The following CUL5 variants were observed in gnomAD, a reference collection of about 807,000 sequenced individuals.
The protein encoded by CUL5 is cullin 5.
A neutral mutation model predicts 108.8 loss-of-function variants in CUL5; 26 were observed. The ratio of observed to expected loss-of-function variants is 0.24; its 90% CI spans 0.18 to 0.33. The LOEUF is 0.33. Among genes scored for constraint, CUL5 ranks in the 10% least tolerant of loss-of-function variants. The pLI, the probability that CUL5 is intolerant of heterozygous loss-of-function variation, is 1.00. For synonymous variants in CUL5, 334 were observed against 298.0 expected (o/e 1.12, Z -1.25); for missense variants, 524 against 909.2 (o/e 0.58, Z 5.45).
intron 10 of CUL5, among the ~76,000 whole-genome samples, chr11:108,077,178 C>T (rs1350706769): frequency 1.3e-5 from 2 of 152,122 alleles, no homozygotes; most frequent in Non-Finnish European, 2.9e-5. Flanking sequence ...AATGAGGAGT[C>T]GTCTTTCATG....
intron 18 of CUL5, among the ~76,000 whole-genome samples, chr11:108,099,323 A>G (rs568232662): frequency 6.6e-6 from 1 of 152,304 alleles, no homozygotes; most frequent in South Asian, 2.1e-4. Context: ...TTTTTAAAAT[A>G]TAAAACAAGA....
intron 2 of CUL5, among the ~76,000 whole-genome samples, chr11:108,038,118 CT>C (rs1418526651): frequency 6.6e-6 from 1 of 152,004 alleles, no homozygotes; most frequent in Non-Finnish European, 1.5e-5. Context: ...CAGCTGAGGC[CT>C]TTTAAAGCTT....
Position 108,009,215 on chromosome 11 carries a change from G to A in CUL5, c.-134G>A. ...ACGAGGTCAGCGCTGTCGGCGCGCT[G>A]CTCCAGCGCCCACCACACCCTGGTG... On this transcript the variant is annotated 5_prime_UTR_variant, in exon 1 of 19. Transcript: ENST00000393094. 2 of 885,812 alleles carry A rather than the reference G, an allele frequency of 2.3e-6. No homozygotes were observed. Among genetic ancestry groups the A allele is most frequent in the Non-Finnish European group, 3.6e-6 (2 of 560,640 alleles). The allele number at this position is 885,812 out of a possible 1,614,324, so 54.9% of individuals were successfully genotyped here. A position where few individuals can be genotyped will look rare whatever the true frequency, so the allele number is the denominator to read the frequency against.
At chr11:108,051,769 T>C (rs112398721) in intron 4 of CUL5, among the ~76,000 whole-genome samples, 8 of 152,346 alleles carry the variant, frequency 5.3e-5, no homozygotes, top group African/African-American at 1.9e-4. Flanking sequence ...CATATGTCTA[T>C]TTCAAACACA....
At chr11:108,072,899 C>G (rs1373200438) in intron 9 of CUL5, among the ~76,000 whole-genome samples, 1 of 151,964 alleles carries the variant, frequency 6.6e-6, no homozygotes, top group East Asian at 1.9e-4. Flanking sequence ...ATTGAAATTA[C>G]TATTTTCTCT....
At chr11:108,074,569 C>T (rs11212505) in intron 10 of CUL5, among the ~76,000 whole-genome samples, 89,071 of 151,556 alleles carry the variant, frequency 0.59, 27,842 homozygotes, top group East Asian at 0.9. Flanking sequence ...CTTTGGGAGG[C>T]CAGGGCGGGT....
chr11:108,096,184 G>GA (rs764876693), intron 16 of CUL5, among the ~76,000 whole-genome samples: 30 of 151,274 alleles, frequency 2.0e-4, no homozygotes, highest in Non-Finnish European at 3.0e-4. Flanking sequence ...CCAAGGCAGA[G>GA]AAAAGTGCTT....
rs184244610 is a variant in CUL5 at position 108,104,480 on chromosome 11, T to A, written c.*96T>A. 267 of 734,964 alleles carry A rather than the reference T, an allele frequency of 3.6e-4. No individual in the cohort carries two copies. The East Asian group carries it at 7.1e-3, about 20-fold the overall frequency. 45.5% of individuals were successfully genotyped at this position (734,964 alleles called of 1,614,324 possible). The stretch of plus-strand genomic sequence containing the variant: ...GCTGGAGAAAGGTTTATTTGGACTT[T>A]GATTACATAAATATTAAAATCTCTG... On this transcript the variant is annotated 3_prime_UTR_variant, in exon 19 of 19. Transcript: ENST00000393094.
intron 11 of CUL5, among the ~76,000 whole-genome samples, chr11:108,078,777 T>C (rs1174432236): frequency 1.3e-5 from 2 of 152,152 alleles, no homozygotes; most frequent in African/African-American, 4.8e-5. Flanking sequence ...ATTACCATTT[T>C]AAAGAAATTT....
intron 16 of CUL5, among the ~76,000 whole-genome samples, 197 bp downstream of exon 16, chr11:108,095,888 G>C (rs899347521): frequency 1.3e-5 from 2 of 151,462 alleles, no homozygotes; most frequent in African/African-American, 2.4e-5. Flanking sequence ...TTGAGGTCAG[G>C]AGTTCGAGAC....
intron 11 of CUL5, among the ~76,000 whole-genome samples, chr11:108,086,483 A>C (rs1864225483): frequency 6.6e-6 from 1 of 152,198 alleles, no homozygotes. Flanking sequence ...GGAGGGAGGT[A>C]GATCACTTTG....
At chr11:108,040,770 C>A (rs1325326168) in intron 2 of CUL5, among the ~76,000 whole-genome samples, 1 of 151,920 alleles carries the variant, frequency 6.6e-6, no homozygotes, top group African/African-American at 2.4e-5. Context: ...CAGGGAGAGA[C>A]CCTGTCTCAA....
chr11:108,038,073 T>C (rs1862791228), intron 2 of CUL5, among the ~76,000 whole-genome samples: 1 of 152,212 alleles, frequency 6.6e-6, no homozygotes, highest in African/African-American at 2.4e-5. Flanking sequence ...TAACTTATAC[T>C]TCTTGCCTTT....
intron 11 of CUL5, among the ~76,000 whole-genome samples, chr11:108,087,305 A>G (rs950482799): frequency 3.9e-5 from 6 of 152,238 alleles, no homozygotes; most frequent in Non-Finnish European, 5.9e-5. Context: ...CATATATTTT[A>G]TGTATGTGTA....
At chr11:108,034,722 G>A (rs1402496101) in intron 2 of CUL5, among the ~76,000 whole-genome samples, 7 of 152,154 alleles carry the variant, frequency 4.6e-5, no homozygotes, top group African/African-American at 1.7e-4. Flanking sequence ...CCCAGCTGCT[G>A]TGTTTTGTTT....
chr11:108,014,632 T>C (rs1862135789), intron 1 of CUL5, among the ~76,000 whole-genome samples: 1 of 152,222 alleles, frequency 6.6e-6, no homozygotes, highest in Non-Finnish European at 1.5e-5. Context: ...ATCTTGTTCA[T>C]TGAAACCGTA....
At chr11:108,040,674 AC>A in intron 2 of CUL5, among the ~76,000 whole-genome samples, 1 of 151,332 alleles carries the variant, frequency 6.6e-6, no homozygotes, top group East Asian at 1.9e-4. Context: ...AGTCCCAACT[AC>A]TCAGGAGGCT....
intron 1 of CUL5, among the ~76,000 whole-genome samples, chr11:108,023,526 AGTT>A (rs1455905019): frequency 6.7e-6 from 1 of 149,776 alleles, no homozygotes; most frequent in Admixed American, 6.7e-5. Flanking sequence ...GTCTGGTTGA[AGTT>A]GTTGTTTGAA....
chr11:108,065,481 A>T (rs765594369), intron 7 of CUL5, among the ~76,000 whole-genome samples: 1 of 152,190 alleles, frequency 6.6e-6, no homozygotes, highest in Non-Finnish European at 1.5e-5. Context: ...TACCACTGGA[A>T]TGGGCGATTC....
Sources: gnomAD v4.1 joint callset for allele counts (sites outside exome capture counted in the v4.1 genomes callset) on GRCh38, gnomAD v4.1.1 for gene constraint, MANE v1.5 for transcripts, NCBI Gene and HGNC (gene_info 2026-07-23, HGNC 2026-07-21) for gene names.